The following PBX1 variants were observed in gnomAD, a reference collection of about 807,000 sequenced individuals.
PBX1 encodes the protein pre-B-cell leukemia transcription factor 1.
PBX1 carries 6 observed loss-of-function variants against 53.4 expected under a neutral mutation model. The ratio of observed to expected loss-of-function variants is 0.11; its 90% CI spans 0.06 to 0.22. The LOEUF is 0.22. Among genes scored for constraint, PBX1 ranks in the 10% least tolerant of loss-of-function variants. The pLI is 1.00. For missense variants in PBX1, 251 were observed against 551.4 expected, an observed-to-expected ratio of 0.46 and a Z score of 5.46; for synonymous variants, 204 against 212.3, an observed-to-expected ratio of 0.96 and a Z score of 0.34.
Position 164,613,071 on chromosome 1 carries a change from CTAGAA to C in PBX1, c.265+49761_265+49765del, listed in dbSNP as rs376203075. On this transcript the variant is annotated intron_variant, in intron 2 of 8. Coordinates refer to ENST00000420696, the MANE Select transcript of PBX1 (RefSeq NM_002585.4). ...GAACAACAACAACAAAAAAACCCTT[CTAGAA>C]ATATTTTTACAAATTATGAATGTAT... Among the ~76,000 whole-genome samples, 505 of 152,270 alleles carry C rather than the reference CTAGAA, an allele frequency of 3.3e-3. 4 individuals are homozygous for C. The highest frequency in any genetic ancestry group is 0.012 in the African/African-American group (487 of 41,548).
intron 2 of PBX1, among the ~76,000 whole-genome samples, chr1:164,750,540 A>C (rs181412827): frequency 1.4e-4 from 21 of 152,234 alleles, no homozygotes; most frequent in Non-Finnish European, 2.9e-4. Context: ...AGCTATTCCT[A>C]TTGAGTGGGA....
chr1:164,875,228 G>A (rs144386735), intron 2 of PBX1, among the ~76,000 whole-genome samples: 4 of 152,280 alleles, frequency 2.6e-5, no homozygotes, highest in East Asian at 3.9e-4. Context: ...AAGGAAGCAC[G>A]ACTGGGCTGG....
At chr1:164,769,568 G>A (rs778973724) in intron 2 of PBX1, among the ~76,000 whole-genome samples, 4 of 152,172 alleles carry the variant, frequency 2.6e-5, no homozygotes, top group Non-Finnish European at 5.9e-5. Context: ...GAGGTCTTGT[G>A]TGTGCTGTAC....
intron 2 of PBX1, among the ~76,000 whole-genome samples, chr1:164,615,690 T>G (rs986442424): frequency 1.3e-5 from 2 of 152,204 alleles, no homozygotes; most frequent in African/African-American, 4.8e-5. Flanking sequence ...AGACTGACTT[T>G]TGTGTGGTTT....
At chr1:164,614,876 C>T (rs1289680468) in intron 2 of PBX1, among the ~76,000 whole-genome samples, 5 of 152,098 alleles carry the variant, frequency 3.3e-5, no homozygotes, top group African/African-American at 9.7e-5. Context: ...TGGGTTCAAG[C>T]GATTCTCTTG....
intron 2 of PBX1, among the ~76,000 whole-genome samples, chr1:164,665,836 T>C (rs989462269): frequency 2.6e-5 from 4 of 152,312 alleles, no homozygotes; most frequent in Non-Finnish European, 5.9e-5. Context: ...ATTAAACTGC[T>C]GCTTTTTAGA....
chr1:164,642,352 A>G (rs905600212), intron 2 of PBX1, among the ~76,000 whole-genome samples: 32 of 152,150 alleles, frequency 2.1e-4, no homozygotes, highest in African/African-American at 7.2e-4. Context: ...CCTAGGTATG[A>G]CCCCAGATAT....
intron 2 of PBX1, among the ~76,000 whole-genome samples, chr1:164,712,748 G>A (rs568245141): frequency 1.3e-5 from 2 of 152,304 alleles, no homozygotes; most frequent in African/African-American, 2.4e-5. Context: ...GGAAGTGACT[G>A]TTTCCTGGCC....
intron 4 of PBX1, among the ~76,000 whole-genome samples, chr1:164,801,169 TA>T (rs1327065208): frequency 6.6e-6 from 1 of 152,124 alleles, no homozygotes; most frequent in African/African-American, 2.4e-5. Flanking sequence ...CAAGAGAAAG[TA>T]AAAACGAAGG....
chr1:164,616,708 A>G (rs1327787802), intron 2 of PBX1, among the ~76,000 whole-genome samples: 1 of 152,174 alleles, frequency 6.6e-6, no homozygotes, highest in East Asian at 1.9e-4. Context: ...CATGTTCCCA[A>G]TGCTAACTTC....
intron 2 of PBX1, among the ~76,000 whole-genome samples, chr1:164,756,821 G>A (rs1161608709): frequency 6.6e-6 from 1 of 152,182 alleles, no homozygotes; most frequent in Non-Finnish European, 1.5e-5. Context: ...AATGCTTAAT[G>A]TAGTAATATA....
At chr1:164,786,049 C>G (rs979676964) in intron 2 of PBX1, among the ~76,000 whole-genome samples, 4 of 152,112 alleles carry the variant, frequency 2.6e-5, no homozygotes, top group African/African-American at 9.7e-5. Flanking sequence ...AGCCTTCTAC[C>G]CAACAGCATG....
At chr1:164,678,737 T>C (rs911667210) in intron 2 of PBX1, among the ~76,000 whole-genome samples, 1 of 152,204 alleles carries the variant, frequency 6.6e-6, no homozygotes, top group African/African-American at 2.4e-5. Flanking sequence ...AGATTGTTAC[T>C]ATCAACACAG....
Position 164,724,670 on chromosome 1 carries a change from A to ATTTTTT in PBX1, c.266-67790_266-67785dup, listed in dbSNP as rs59042806. On this transcript the variant is annotated intron_variant, in intron 2 of 8. Transcript: ENST00000420696. ...CAGATGCCCATTGCAATAGCTGCAG[A>ATTTTTT]TTTTTTTTTTTTTTTTTTTTTTTTT... Among the ~76,000 whole-genome samples, 27 of 48,236 alleles carry ATTTTTT rather than the reference A, an allele frequency of 5.6e-4. 5 individuals carry two copies. Among genetic ancestry groups the ATTTTTT allele is most frequent in the African/African-American group, 7.2e-4 (11 of 15,186 alleles). 31.6% of individuals were successfully genotyped at this position (48,236 alleles called of 152,430 possible).
At chr1:164,581,044 C>T (rs1654579056) in intron 2 of PBX1, among the ~76,000 whole-genome samples, 1 of 152,178 alleles carries the variant, frequency 6.6e-6, no homozygotes, top group Non-Finnish European at 1.5e-5. Context: ...CCTTTGCACA[C>T]CCTTCCTGTG....
intron 2 of PBX1, among the ~76,000 whole-genome samples, chr1:164,666,754 A>G (rs1361843649): frequency 1.3e-5 from 2 of 152,234 alleles, no homozygotes; most frequent in East Asian, 3.8e-4. Flanking sequence ...AGGGTTTTAG[A>G]GACTAAGCCA....
chr1:164,687,057 A>G (rs932416147), intron 2 of PBX1, among the ~76,000 whole-genome samples: 3 of 152,254 alleles, frequency 2.0e-5, no homozygotes, highest in South Asian at 2.1e-4. Flanking sequence ...AAGCTACTTA[A>G]TAACAATCAT....
At chr1:164,884,649 C>T (rs144750466) in intron 2 of PBX1, 42 of 431,526 alleles carry the variant, frequency 9.7e-5, no homozygotes, top group East Asian at 3.5e-4. Context: ...GCCTCTCTTC[C>T]GGAATGACAC....
At chr1:164,712,454 G>A (rs147146908) in intron 2 of PBX1, among the ~76,000 whole-genome samples, 1 of 152,164 alleles carries the variant, frequency 6.6e-6, no homozygotes, top group Non-Finnish European at 1.5e-5. Flanking sequence ...CTTATCGCTC[G>A]GGAGAGATAG....
Sources: gnomAD v4.1 joint callset for allele counts (sites outside exome capture counted in the v4.1 genomes callset) on GRCh38, gnomAD v4.1.1 for gene constraint, MANE v1.5 for transcripts, NCBI Gene and HGNC (gene_info 2026-07-23, HGNC 2026-07-21) for gene names.